SMOC1: variants seen among roughly 807,000 people sequenced by gnomAD.
SMOC1 encodes SPARC related modular calcium binding 1.
Under a neutral mutation model 56.3 loss-of-function variants are expected in SMOC1, and 22 were observed. The ratio of observed to expected loss-of-function variants is 0.39; its 90% CI spans 0.28 to 0.56. The LOEUF is 0.56. SMOC1 is among the 20% of genes least tolerant of loss of function. The probability of loss-of-function intolerance (pLI) is 0.61; values close to 1 mark genes in which losing one functional copy is unlikely to be tolerated. For synonymous variants in SMOC1, 193 were observed against 215.0 expected (o/e 0.90, Z 0.89); for missense variants, 509 against 565.4 (o/e 0.90, Z 1.01).
chr14:69,917,465 C>T (rs1430533335), intron 1 of SMOC1, among the ~76,000 whole-genome samples: 4 of 152,120 alleles, frequency 2.6e-5, no homozygotes, highest in Non-Finnish European at 2.9e-5. Flanking sequence ...AAACAAAACA[C>T]GTAGAGGTAC....
At chr14:69,996,577 G>C (rs1193189038) in intron 7 of SMOC1, among the ~76,000 whole-genome samples, 1 of 152,222 alleles carries the variant, frequency 6.6e-6, no homozygotes, top group Non-Finnish European at 1.5e-5. Flanking sequence ...GATGAGAATA[G>C]GGTCATGTTG....
intron 1 of SMOC1, among the ~76,000 whole-genome samples, chr14:69,894,408 T>A (rs1246439989): frequency 6.6e-6 from 1 of 152,176 alleles, no homozygotes; most frequent in Non-Finnish European, 1.5e-5. Flanking sequence ...TTTTAACCAA[T>A]CCCTTTGGCC....
intron 3 of SMOC1, among the ~76,000 whole-genome samples, chr14:69,959,718 A>T (rs902432206): frequency 1.3e-5 from 2 of 152,104 alleles, no homozygotes; most frequent in Non-Finnish European, 2.9e-5. Context: ...ATCTATATGC[A>T]TGGATCTCTT....
intron 1 of SMOC1, among the ~76,000 whole-genome samples, chr14:69,945,342 G>A (rs1350988364): frequency 1.3e-5 from 2 of 152,200 alleles, no homozygotes; most frequent in Non-Finnish European, 2.9e-5. Flanking sequence ...TTGCTTTTTA[G>A]GATGATAACC....
chr14:69,994,644 C>T (rs1225077834), intron 7 of SMOC1, among the ~76,000 whole-genome samples, 164 bp downstream of exon 7: 2 of 152,194 alleles, frequency 1.3e-5, no homozygotes, highest in African/African-American at 2.4e-5. Flanking sequence ...TCCCTTCCAA[C>T]TTTAATTTTC....
intron 10 of SMOC1, among the ~76,000 whole-genome samples, chr14:70,014,215 G>T (rs765094620): frequency 6.6e-6 from 1 of 152,172 alleles, no homozygotes; most frequent in African/African-American, 2.4e-5. Flanking sequence ...ACCTTCAAAG[G>T]ATGCAGCTTA....
At chr14:69,977,642 G>A (rs1402519003) in intron 4 of SMOC1, among the ~76,000 whole-genome samples, 3 of 152,206 alleles carry the variant, frequency 2.0e-5, no homozygotes, top group African/African-American at 7.2e-5. Flanking sequence ...TTATATGAGT[G>A]TGGAATTTTG....
chr14:69,973,066 A>G (rs953079975), intron 3 of SMOC1, among the ~76,000 whole-genome samples: 4 of 152,192 alleles, frequency 2.6e-5, no homozygotes, highest in Non-Finnish European at 4.4e-5. Flanking sequence ...TTGACCAAGG[A>G]GGAGAGAGCA....
intron 1 of SMOC1, chr14:69,885,668 G>C (rs992497727): frequency 1.8e-5 from 26 of 1,450,858 alleles, no homozygotes; most frequent in Non-Finnish European, 2.4e-5. Flanking sequence ...CATGTCGTGT[G>C]AAATCACCAC....
intron 1 of SMOC1, among the ~76,000 whole-genome samples, chr14:69,898,141 G>T (rs1884144741): frequency 6.6e-6 from 1 of 152,140 alleles, no homozygotes; most frequent in Admixed American, 6.5e-5. Flanking sequence ...GGATAAGTTG[G>T]ATATAATTCT....
chr14:70,007,446 G>C (rs923865360), intron 7 of SMOC1, among the ~76,000 whole-genome samples: 1 of 152,254 alleles, frequency 6.6e-6, no homozygotes, highest in Admixed American at 6.5e-5. Flanking sequence ...CCAGGTACAA[G>C]ATTTGTAGCG....
chr14:69,913,989 T>G (rs1345567159), intron 1 of SMOC1, among the ~76,000 whole-genome samples: 2 of 152,244 alleles, frequency 1.3e-5, no homozygotes, highest in Admixed American at 1.3e-4. Context: ...AATAAGATCC[T>G]GATCATGTGG....
intron 1 of SMOC1, among the ~76,000 whole-genome samples, chr14:69,918,470 T>C (rs1329545245): frequency 6.6e-6 from 1 of 152,106 alleles, no homozygotes; most frequent in Non-Finnish European, 1.5e-5. Flanking sequence ...TCAAGCAATC[T>C]GCCCACCTTG....
At chr14:70,012,082 G>A (rs890971145) in intron 9 of SMOC1, among the ~76,000 whole-genome samples, 2 of 152,206 alleles carry the variant, frequency 1.3e-5, no homozygotes, top group Non-Finnish European at 2.9e-5. Context: ...ATCTCTGCCT[G>A]CAAGTTACAG....
chr14:69,890,204 C>A (rs906382436), intron 1 of SMOC1, among the ~76,000 whole-genome samples: 2 of 152,080 alleles, frequency 1.3e-5, no homozygotes, highest in Admixed American at 1.3e-4. Context: ...ATGATGAAGT[C>A]GCTTAATTTT....
At chr14:69,987,612 A>G (rs1238239226) in intron 5 of SMOC1, among the ~76,000 whole-genome samples, 2 of 152,026 alleles carry the variant, frequency 1.3e-5, no homozygotes, top group African/African-American at 4.8e-5. Context: ...AAGCACACCA[A>G]TGTTTTTGGG....
intron 1 of SMOC1, among the ~76,000 whole-genome samples, chr14:69,895,764 C>T (rs1203560806): frequency 6.6e-6 from 1 of 152,092 alleles, no homozygotes; most frequent in South Asian, 2.1e-4. Flanking sequence ...TTTCTTTCCC[C>T]CCATCAAGGT....
intron 6 of SMOC1, among the ~76,000 whole-genome samples, chr14:69,993,677 A>G (rs1247357151): frequency 6.6e-6 from 1 of 152,156 alleles, no homozygotes; most frequent in East Asian, 1.9e-4. Context: ...AAAAGTTTAG[A>G]TGTAGATGTC....
chr14:70,020,800 G>A (rs1267330814), intron 10 of SMOC1, among the ~76,000 whole-genome samples: 6 of 152,304 alleles, frequency 3.9e-5, no homozygotes, highest in African/African-American at 1.4e-4. Context: ...GCAGGAGTCA[G>A]ATGATGGTCA....
Sources: gnomAD v4.1 joint callset for allele counts (sites outside exome capture counted in the v4.1 genomes callset) on GRCh38, gnomAD v4.1.1 for gene constraint, MANE v1.5 for transcripts, NCBI Gene and HGNC (gene_info 2026-07-23, HGNC 2026-07-21) for gene names.